Variants in C16orf90 observed in about 807,000 individuals in gnomAD.
C16orf90 encodes the protein uncharacterized protein C16orf90.
C16orf90 carries 17 observed loss-of-function variants against 17.1 expected under a neutral mutation model. The observed-to-expected ratio is 1.00, with a 90% confidence interval of 0.68 to 1.49. C16orf90 has a LOEUF of 1.49. C16orf90 is among the 40% of genes most tolerant of loss of function. C16orf90 has a pLI of 0.00. For synonymous variants in C16orf90, 108 were observed against 95.8 expected (o/e 1.13, Z -0.75); for missense variants, 255 against 235.5 (o/e 1.08, Z -0.54).
At chr16:3,496,634 A>G (rs747512546), upstream of C16orf90, 1 of 533,236 alleles carries the variant, frequency 1.9e-6, no homozygotes, top group Non-Finnish European at 3.7e-6. Context: ...CGGTCTTCGC[A>G]AGGGCCGACA....
upstream of C16orf90, chr16:3,495,555 C>A (rs1187649187): frequency 8.7e-6 from 13 of 1,487,820 alleles, no homozygotes; most frequent in Non-Finnish European, 1.2e-5. Flanking sequence ...AGACTCCCAG[C>A]CTTCCTGGAC....
intron 2 of C16orf90, 118 bp from the exon 3 acceptor site, chr16:3,494,105 G>C: frequency 1.2e-6 from 1 of 838,194 alleles, no homozygotes; most frequent in South Asian, 1.7e-5. Context: ...GAAGGGAGGA[G>C]GGCAATGCTT....
rs1317754055 is a variant in C16orf90, at chr16:3,493,793, T to C, written c.*46A>G. The C allele has an allele frequency of 1.9e-6, 3 of 1,541,280 alleles. No individual in the cohort carries two copies. The highest frequency in any genetic ancestry group is 2.4e-5 in the East Asian group (1 of 41,324). On this transcript the variant is annotated 3_prime_UTR_variant, in exon 3 of 3. Transcript: ENST00000437192. ...AGCCCCTCCTGCTCAGGCTGCCTCC[T>C]CGGCCATCCTGCCCCTCCTGTACCC...
upstream of C16orf90, among the ~76,000 whole-genome samples, chr16:3,496,028 T>C (rs896808140): frequency 4.6e-5 from 7 of 151,864 alleles, 1 homozygote; most frequent in Admixed American, 2.0e-4. Context: ...GTAGTCCCAG[T>C]TACTCAGGAG....
chr16:3,493,762 G>T lies in C16orf90; in HGVS notation c.*77C>A. 1 of 1,445,508 alleles carries T rather than the reference G, an allele frequency of 6.9e-7. No individual in the cohort carries two copies. Among genetic ancestry groups the T allele is most frequent in the South Asian group, 1.3e-5 (1 of 77,884 alleles). 89.5% of individuals were successfully genotyped at this position (1,445,508 alleles called of 1,614,324 possible). On this transcript the variant is annotated 3_prime_UTR_variant, in exon 3 of 3. Transcript: ENST00000437192. The stretch of plus-strand genomic sequence containing the variant: ...CCCCATGTGGCAGGGCCACTGCCGG[G>T]GGCCGAGCCCCTCCTGCTCAGGCTG...
rs951963654 is a variant in C16orf90 at position 3,494,600 on chromosome 16, C to A, written c.324G>T (p.Gly108=). ...GTAWALDLPQ[G]TLGPRNSLCS... is the part of the protein sequence containing the mutation. ...AGAGGCTGTTACGTGGGCCCAGAGT[C>A]CCCTGTGGCAGGTCCAGGGCCCAGG... is the stretch of plus-strand genomic sequence containing the variant. The change falls in exon 2 of 3, where the codon GGG becomes GGT. Residue 108 remains glycine, a synonymous_variant. Coordinates refer to ENST00000437192, the MANE Select transcript of C16orf90 (RefSeq NM_001080524.2). The A allele has an allele frequency of 6.2e-7, 1 of 1,612,866 alleles. No homozygotes were observed. Among genetic ancestry groups the A allele is most frequent in the Admixed American group, 1.7e-5 (1 of 60,010 alleles).
Position 3,494,626 on chromosome 16 carries a change from C to T in C16orf90, c.298G>A (p.Ala100Thr), listed in dbSNP as rs980688089. 19 of 1,612,088 alleles carry T rather than the reference C, an allele frequency of 1.2e-5. No homozygotes were observed. Among genetic ancestry groups the T allele is most frequent in the Non-Finnish European group, 1.5e-5 (18 of 1,179,748 alleles). The stretch of plus-strand genomic sequence containing the variant: ...CCCTGTGGCAGGTCCAGGGCCCAGG[C>T]TGTGCCCTCAGGCTGTGGCAGGCAG... ...GGCLPQPEGT[A>T]WALDLPQGTL... is the part of the protein sequence containing the mutation. The change falls in exon 2 of 3, where the codon GCC becomes ACC. Residue 100 changes from alanine to threonine, a missense_variant. By Grantham distance (58) the Ala-to-Thr change is moderately conservative. Coordinates refer to ENST00000437192, the MANE Select transcript of C16orf90 (RefSeq NM_001080524.2).
upstream of C16orf90, chr16:3,496,140 CAAAA>C: frequency 5.8e-6 from 2 of 342,350 alleles, no homozygotes; most frequent in Non-Finnish European, 1.1e-5. Flanking sequence ...GACTCCGTCT[CAAAA>C]AAAAAAAAAA....
At position 3,494,549 on chromosome 16, in the gene C16orf90, C is replaced by T. The variant is rs1481603903; in HGVS notation, c.375G>A (p.Leu125=). The T allele has an allele frequency of 6.2e-7, 1 of 1,612,880 alleles. No individual in the cohort carries two copies. The highest frequency in any genetic ancestry group is 8.5e-7 in the Non-Finnish European group (1 of 1,179,852). ...CACTGCTTCCCAGGCTGTCCCTGGGCAATCGGGCTTCCAGAAGGGCTGAAC... is the reference window on the plus strand; with the variant it reads ...CACTGCTTCCCAGGCTGTCCCTGGGTAATCGGGCTTCCAGAAGGGCTGAAC... ...SLCSALLEAR[L]PRDSLGSSAS... is the part of the protein sequence containing the mutation. Residue 125 remains leucine (L), a synonymous_variant, in exon 2 of 3, where the codon TTG becomes TTA. Transcript: ENST00000437192.
chr16:3,493,550 G>C lies in C16orf90; in HGVS notation c.*289C>G, dbSNP rs1171643171. 1.8e-5 allele frequency: 5 copies of C among 282,992 alleles called. No homozygotes were observed. In the East Asian group the frequency reaches 3.1e-4, roughly 18 times the overall value. The allele number at this position is 282,992 out of a possible 1,614,324, so 17.5% of individuals were successfully genotyped here. On this transcript the variant is annotated 3_prime_UTR_variant, in exon 3 of 3. Coordinates refer to ENST00000437192, the MANE Select transcript of C16orf90 (RefSeq NM_001080524.2). ...CCGGCCTCTCAGGGAGGCGGTGGCG[G>C]GGGGGCCTGATTCTGCACTCAGCCC...
intron 1 of C16orf90, 27 bp downstream of exon 1, chr16:3,495,349 C>T (rs1194951313): frequency 6.3e-7 from 1 of 1,594,120 alleles, no homozygotes; most frequent in Non-Finnish European, 8.6e-7. Flanking sequence ...ATCTCTCTTC[C>T]TGCCACTCCT....
At chr16:3,496,461 T>G, upstream of C16orf90, 4 of 897,636 alleles carry the variant, frequency 4.5e-6, no homozygotes, top group Non-Finnish European at 6.9e-6. Flanking sequence ...GTGGGGACGC[T>G]TAACGGATGA....
upstream of C16orf90, chr16:3,496,391 GT>G: frequency 1.8e-6 from 2 of 1,133,342 alleles, no homozygotes; most frequent in Non-Finnish European, 2.6e-6. Context: ...ACCTCTGTCC[GT>G]TTCCCGGATG....
chr16:3,495,298 G>A, intron 1 of C16orf90, 78 bp downstream of exon 1: 1 of 1,508,900 alleles, frequency 6.6e-7, no homozygotes, highest in Non-Finnish European at 9.0e-7. Context: ...ATGTCCCTGA[G>A]GCCACCCCTC....
chr16:3,495,551 C>T, upstream of C16orf90: 1 of 1,499,534 alleles, frequency 6.7e-7, no homozygotes, highest in Admixed American at 2.1e-5. Context: ...GGGAAGACTC[C>T]CAGCCTTCCT....
At chr16:3,494,429 G>A in intron 2 of C16orf90, 95 bp downstream of exon 2, 1 of 983,886 alleles carries the variant, frequency 1.0e-6, no homozygotes, top group Middle Eastern at 2.1e-4. Flanking sequence ...TGCCACTGTG[G>A]AGGCTTGGGA....
chr16:3,495,531 T>C (rs775290099), upstream of C16orf90: 5 of 1,530,430 alleles, frequency 3.3e-6, no homozygotes, highest in African/African-American at 1.4e-5. Context: ...CTGGTTCTTA[T>C]GACATCACGG....
intron 1 of C16orf90, 115 bp from the exon 2 acceptor site, chr16:3,494,992 C>A (rs1432006035): frequency 7.4e-6 from 6 of 814,294 alleles, no homozygotes; most frequent in African/African-American, 5.2e-5. Flanking sequence ...CCCCAGCCAA[C>A]CTGGCCTCAG....
chr16:3,494,475 A>G (rs1479696800), intron 2 of C16orf90, 49 bp downstream of exon 2: 1 of 1,517,394 alleles, frequency 6.6e-7, no homozygotes, highest in Non-Finnish European at 9.0e-7. Context: ...CAGCCCAACC[A>G]TCCCCTAGGG....
Sources: gnomAD v4.1 joint callset for allele counts (sites outside exome capture counted in the v4.1 genomes callset) on GRCh38, gnomAD v4.1.1 for gene constraint, MANE v1.5 for transcripts, NCBI Gene and HGNC (gene_info 2026-07-23, HGNC 2026-07-21) for gene names.